CELF4: variants seen among roughly 807,000 people sequenced by gnomAD.
The protein encoded by CELF4 is CUGBP Elav-like family member 4.
CELF4 carries 18 observed loss-of-function variants against 59.9 expected under a neutral mutation model. That is an observed-to-expected ratio of 0.30 (90% CI 0.21 to 0.45). The LOEUF is 0.45. Among genes scored for constraint, CELF4 ranks in the 20% least tolerant of loss-of-function variants. The pLI is 1.00. For synonymous variants in CELF4, 261 were observed against 267.1 expected (o/e 0.98, Z 0.22); for missense variants, 456 against 689.0 (o/e 0.66, Z 3.79).
intron 1 of CELF4, among the ~76,000 whole-genome samples, chr18:37,512,261 C>A (rs1403118403): frequency 2.0e-5 from 3 of 152,198 alleles, no homozygotes; most frequent in African/African-American, 7.2e-5. Flanking sequence ...AATATCCAGG[C>A]CAATGTCCAT....
At chr18:37,337,267 C>T (rs376553019) in intron 2 of CELF4, among the ~76,000 whole-genome samples, 175 of 152,208 alleles carry the variant, frequency 1.1e-3, no homozygotes, top group African/African-American at 3.9e-3. Flanking sequence ...GGGAGACTGG[C>T]GAGACCCACT....
At chr18:37,444,278 C>T (rs2154601312) in intron 2 of CELF4, among the ~76,000 whole-genome samples, 1 of 151,998 alleles carries the variant, frequency 6.6e-6, no homozygotes, top group East Asian at 1.9e-4. Flanking sequence ...GGGGTGGATC[C>T]CCCCTAGCAT....
At chr18:37,456,284 CT>C (rs1412970105) in intron 2 of CELF4, among the ~76,000 whole-genome samples, 1 of 152,130 alleles carries the variant, frequency 6.6e-6, no homozygotes, top group Non-Finnish European at 1.5e-5. Flanking sequence ...CATTGTGGGG[CT>C]TGGTAAGGAC....
chr18:37,485,088 A>C (rs1446459861), intron 2 of CELF4, among the ~76,000 whole-genome samples: 1 of 152,170 alleles, frequency 6.6e-6, no homozygotes, highest in Non-Finnish European at 1.5e-5. Flanking sequence ...GAGGCGCGAT[A>C]GTTTATCAAA....
chr18:37,361,775 A>G (rs1209382315), intron 2 of CELF4, among the ~76,000 whole-genome samples: 1 of 149,706 alleles, frequency 6.7e-6, no homozygotes, highest in African/African-American at 2.5e-5. Flanking sequence ...CATTGGGAAG[A>G]CTACCCTCGG....
At chr18:37,289,149 C>T in intron 3 of CELF4, among the ~76,000 whole-genome samples, 1 of 151,946 alleles carries the variant, frequency 6.6e-6, no homozygotes, top group East Asian at 1.9e-4. Flanking sequence ...GGAGGGCAGA[C>T]CATGATGGGG....
At chr18:37,491,583 G>A (rs186189176) in intron 1 of CELF4, among the ~76,000 whole-genome samples, 1 of 152,138 alleles carries the variant, frequency 6.6e-6, no homozygotes, top group Non-Finnish European at 1.5e-5. Context: ...TGGGGGTGGG[G>A]GAAAGAGATC....
chr18:37,259,015 C>CG, intron 11 of CELF4, 166 bp downstream of exon 11: 1 of 980,478 alleles, frequency 1.0e-6, no homozygotes, highest in Non-Finnish European at 1.5e-6. Flanking sequence ...GCAGCTGGGG[C>CG]GGGGGCAATG....
intron 2 of CELF4, among the ~76,000 whole-genome samples, chr18:37,457,770 G>T (rs1389759954): frequency 6.6e-6 from 1 of 152,108 alleles, no homozygotes; most frequent in Non-Finnish European, 1.5e-5. Flanking sequence ...GGCCTGGCAG[G>T]ACTGTGAAAT....
intron 1 of CELF4, among the ~76,000 whole-genome samples, chr18:37,508,899 A>G (rs1206377817): frequency 6.6e-6 from 1 of 152,158 alleles, no homozygotes; most frequent in African/African-American, 2.4e-5. Flanking sequence ...GAGAAGGGTG[A>G]TCTCTGCTGT....
intron 1 of CELF4, among the ~76,000 whole-genome samples, chr18:37,504,464 A>G (rs1291654015): frequency 1.3e-5 from 2 of 151,998 alleles, no homozygotes; most frequent in African/African-American, 4.8e-5. Context: ...AAAAAAAAAA[A>G]AAAAAAAAAG....
intron 2 of CELF4, chr18:37,473,243 T>A (rs2099839112): frequency 6.6e-6 from 1 of 152,136 alleles, no homozygotes; most frequent in Non-Finnish European, 1.5e-5. Context: ...ACAAAAGAGG[T>A]CCTGCTTCAG....
chr18:37,408,744 C>A (rs560440068), intron 2 of CELF4, among the ~76,000 whole-genome samples: 1 of 152,164 alleles, frequency 6.6e-6, no homozygotes, highest in African/African-American at 2.4e-5. Flanking sequence ...TGGGGACACC[C>A]GGCGCACCCT....
At chr18:37,335,209 T>C (rs1308080004) in intron 2 of CELF4, among the ~76,000 whole-genome samples, 1 of 152,086 alleles carries the variant, frequency 6.6e-6, no homozygotes, top group Non-Finnish European at 1.5e-5. Context: ...CCAGGGCAGC[T>C]TCATTAATAA....
chr18:37,508,557 G>A (rs1422714265), intron 1 of CELF4, among the ~76,000 whole-genome samples: 1 of 152,232 alleles, frequency 6.6e-6, no homozygotes, highest in Non-Finnish European at 1.5e-5. Context: ...GTTGATGGAT[G>A]GCACTAGGCA....
chr18:37,284,100 C>G (rs2094496075), intron 3 of CELF4, among the ~76,000 whole-genome samples: 1 of 147,120 alleles, frequency 6.8e-6, no homozygotes, highest in South Asian at 2.4e-4. Context: ...CATACACACA[C>G]CAATATGCAC....
chr18:37,527,132 A>C (rs746885565), intron 1 of CELF4, among the ~76,000 whole-genome samples: 13 of 152,034 alleles, frequency 8.6e-5, no homozygotes, highest in Non-Finnish European at 1.6e-4. Context: ...AATATAAGCT[A>C]AATCGCCTGC....
At chr18:37,347,511 A>G (rs1037008317) in intron 2 of CELF4, among the ~76,000 whole-genome samples, 1 of 152,132 alleles carries the variant, frequency 6.6e-6, no homozygotes, top group African/African-American at 2.4e-5. Context: ...ACAGCCACTC[A>G]GGTCCCTTCC....
At chr18:37,512,392 C>T (rs1319637999) in intron 1 of CELF4, among the ~76,000 whole-genome samples, 1 of 152,106 alleles carries the variant, frequency 6.6e-6, no homozygotes, top group South Asian at 2.1e-4. Flanking sequence ...CCTCCTCTTT[C>T]TCTTCCTCCG....
Sources: gnomAD v4.1 joint callset for allele counts (sites outside exome capture counted in the v4.1 genomes callset) on GRCh38, gnomAD v4.1.1 for gene constraint, MANE v1.5 for transcripts, NCBI Gene and HGNC (gene_info 2026-07-23, HGNC 2026-07-21) for gene names.